Variants in BICC1 observed in about 807,000 individuals in gnomAD.
BICC1 encodes the protein BicC family RNA binding protein 1.
A neutral mutation model predicts 111.0 loss-of-function variants in BICC1; 43 were observed. The ratio of observed to expected loss-of-function variants is 0.39; its 90% CI spans 0.30 to 0.50. The LOEUF is 0.50. Ranked by LOEUF, BICC1 falls within the 20% of genes least tolerant of loss-of-function variation. The pLI, the probability that BICC1 is intolerant of heterozygous loss-of-function variation, is 0.88. For missense variants in BICC1, 1,091 were observed against 1,203.2 expected (o/e 0.91, Z 1.38); for synonymous variants, 467 against 434.4 (o/e 1.07, Z -0.93).
intron 1 of BICC1, among the ~76,000 whole-genome samples, chr10:58,517,471 G>T (rs568381262): frequency 2.4e-4 from 36 of 152,256 alleles, no homozygotes; most frequent in African/African-American, 7.9e-4. Flanking sequence ...TAATAATTTA[G>T]ACTTTTTTCA....
At chr10:58,794,777 T>C (rs1843297996) in intron 9 of BICC1, among the ~76,000 whole-genome samples, 1 of 152,180 alleles carries the variant, frequency 6.6e-6, no homozygotes, top group Non-Finnish European at 1.5e-5. Context: ...TGTTTCTACA[T>C]TAGTATTGTT....
chr10:58,774,106 G>T (rs1298738674), intron 3 of BICC1, among the ~76,000 whole-genome samples: 1 of 152,164 alleles, frequency 6.6e-6, no homozygotes, highest in Non-Finnish European at 1.5e-5. Flanking sequence ...TTCCAACCTT[G>T]TCTTTCCATG....
At chr10:58,658,334 C>T (rs909418747) in intron 2 of BICC1, among the ~76,000 whole-genome samples, 3 of 152,008 alleles carry the variant, frequency 2.0e-5, no homozygotes, top group African/African-American at 7.2e-5. Flanking sequence ...ATTGTAGGTG[C>T]ACGCCACCAA....
intron 1 of BICC1, among the ~76,000 whole-genome samples, chr10:58,608,650 G>A (rs1331623816): frequency 1.3e-5 from 2 of 152,130 alleles, no homozygotes; most frequent in East Asian, 3.9e-4. Flanking sequence ...GGTCAAAGTA[G>A]AAGGCTTCCA....
intron 1 of BICC1, among the ~76,000 whole-genome samples, chr10:58,584,441 C>T (rs1564498149): frequency 6.6e-6 from 1 of 152,056 alleles, no homozygotes. Context: ...GTGACTTCGG[C>T]AATATCTGGT....
At chr10:58,721,465 G>A (rs1840937793) in intron 3 of BICC1, among the ~76,000 whole-genome samples, 1 of 152,074 alleles carries the variant, frequency 6.6e-6, no homozygotes, top group Admixed American at 6.5e-5. Flanking sequence ...GCTGTCTAGT[G>A]AAAAAATGAC....
chr10:58,791,042 T>TA (rs1404467904), intron 8 of BICC1, among the ~76,000 whole-genome samples: 2 of 152,228 alleles, frequency 1.3e-5, no homozygotes, highest in Admixed American at 6.5e-5. Flanking sequence ...TCTAAGTTTT[T>TA]ATTGTTGATT....
In BICC1 at chr10:58,521,853, T is replaced by C. The variant is rs1419026761; in HGVS notation, c.190+8520T>C. 6.2e-5 allele frequency among the ~76,000 whole-genome samples: 9 copies of C among 145,638 alleles called. No individual in the cohort carries two copies. In the Admixed American group the frequency reaches 6.5e-4, roughly 10 times the overall value. ...CCCTCTCAGATTCCAACTTTGTAGG[T>C]TTGAGAGTGGTGTTGGCAGGATTGG... On this transcript the variant is annotated intron_variant, in intron 1 of 20. Coordinates refer to ENST00000373886, the MANE Select transcript of BICC1 (RefSeq NM_001080512.3).
At chr10:58,593,504 C>G (rs1442922360) in intron 1 of BICC1, among the ~76,000 whole-genome samples, 1 of 152,134 alleles carries the variant, frequency 6.6e-6, no homozygotes, top group Non-Finnish European at 1.5e-5. Flanking sequence ...TGGTTGGCAT[C>G]TGGCAGGTGC....
At chr10:58,822,709 AT>A in intron 20 of BICC1, among the ~76,000 whole-genome samples, 1 of 152,228 alleles carries the variant, frequency 6.6e-6, no homozygotes, top group East Asian at 1.9e-4. Context: ...AAAGCAATAC[AT>A]TTTTATTGAG....
At chr10:58,800,006 T>G (rs1843488674) in intron 12 of BICC1, among the ~76,000 whole-genome samples, 188 bp from the exon 13 acceptor site, 1 of 152,192 alleles carries the variant, frequency 6.6e-6, no homozygotes. Flanking sequence ...TCCATTTGTT[T>G]GTATCACCTA....
intron 1 of BICC1, among the ~76,000 whole-genome samples, chr10:58,614,396 G>T (rs544817071): frequency 6.6e-6 from 1 of 152,242 alleles, no homozygotes; most frequent in South Asian, 2.1e-4. Flanking sequence ...CTTGGGAAAT[G>T]GATACATCAG....
At chr10:58,652,527 C>A (rs951059783) in intron 2 of BICC1, among the ~76,000 whole-genome samples, 4 of 152,060 alleles carry the variant, frequency 2.6e-5, no homozygotes, top group Non-Finnish European at 5.9e-5. Context: ...TAGTTCTCTT[C>A]TTGGTAAGTT....
chr10:58,564,369 G>A (rs988062826), intron 1 of BICC1, among the ~76,000 whole-genome samples: 1 of 152,146 alleles, frequency 6.6e-6, no homozygotes, highest in African/African-American at 2.4e-5. Flanking sequence ...GGCTTTACAG[G>A]TGGCAGGCAG....
chr10:58,641,345 C>T (rs955405358), intron 2 of BICC1, among the ~76,000 whole-genome samples: 3 of 152,144 alleles, frequency 2.0e-5, no homozygotes, highest in Non-Finnish European at 4.4e-5. Context: ...GTGGTTTTGC[C>T]GTCGTGCCCT....
chr10:58,680,814 C>T (rs1053094328), intron 2 of BICC1, among the ~76,000 whole-genome samples: 2 of 152,170 alleles, frequency 1.3e-5, no homozygotes, highest in Admixed American at 1.3e-4. Flanking sequence ...AGTACTCATA[C>T]CAAAACAGAT....
At chr10:58,630,821 G>A (rs546622621) in intron 2 of BICC1, among the ~76,000 whole-genome samples, 1 of 152,194 alleles carries the variant, frequency 6.6e-6, no homozygotes, top group South Asian at 2.1e-4. Context: ...CCCAAATTAA[G>A]TTATATCTTT....
At chr10:58,691,122 T>C (rs926167525) in intron 2 of BICC1, among the ~76,000 whole-genome samples, 4 of 152,350 alleles carry the variant, frequency 2.6e-5, no homozygotes, top group African/African-American at 9.6e-5. Context: ...TCCTGTCCTC[T>C]TTATTATTGT....
intron 1 of BICC1, among the ~76,000 whole-genome samples, chr10:58,618,372 T>G (rs1048595693): frequency 2.0e-5 from 3 of 152,200 alleles, no homozygotes; most frequent in Non-Finnish European, 4.4e-5. Flanking sequence ...TCACGTGAGG[T>G]GCATTAGGTG....
Sources: gnomAD v4.1 joint callset for allele counts (sites outside exome capture counted in the v4.1 genomes callset) on GRCh38, gnomAD v4.1.1 for gene constraint, MANE v1.5 for transcripts, NCBI Gene and HGNC (gene_info 2026-07-23, HGNC 2026-07-21) for gene names.